Variants in SPAG16 observed in about 807,000 individuals in gnomAD.
The protein encoded by SPAG16 is sperm associated antigen 16.
SPAG16 carries 86 observed loss-of-function variants against 80.4 expected under a neutral mutation model. The ratio of observed to expected loss-of-function variants is 1.07; its 90% confidence interval spans 0.90 to 1.28. The LOEUF is 1.28. SPAG16 is among the 50% of genes most tolerant of loss of function. SPAG16 has a pLI of 0.00. For missense variants in SPAG16, 870 were observed against 765.3 expected (o/e 1.14, Z -1.61); for synonymous variants, 294 against 265.9 (o/e 1.11, Z -1.03).
At chr2:213,309,473 C>G (rs2063090665) in intron 3 of SPAG16, among the ~76,000 whole-genome samples, 3 of 151,970 alleles carry the variant, frequency 2.0e-5, no homozygotes, top group African/African-American at 7.2e-5. Context: ...TAATTAAAAG[C>G]ATTAAAAGGT....
intron 10 of SPAG16, among the ~76,000 whole-genome samples, chr2:213,619,601 C>T (rs1020102249): frequency 1.3e-5 from 2 of 151,978 alleles, no homozygotes; most frequent in African/African-American, 2.4e-5. Flanking sequence ...AAATCAAAAC[C>T]ACAGTGAGAT....
chr2:213,895,805 G>C (rs1460270916), intron 11 of SPAG16, among the ~76,000 whole-genome samples: 1 of 152,048 alleles, frequency 6.6e-6, no homozygotes, highest in African/African-American at 2.4e-5. Context: ...TTAAATCTCA[G>C]ACCTGAAACT....
chr2:213,786,058 A>G (rs2070324701), intron 10 of SPAG16, among the ~76,000 whole-genome samples: 1 of 151,970 alleles, frequency 6.6e-6, no homozygotes, highest in African/African-American at 2.4e-5. Flanking sequence ...TGTATTTTTT[A>G]GTTTTCTTTA....
At chr2:213,904,600 C>CA (rs34952255) in intron 11 of SPAG16, among the ~76,000 whole-genome samples, 5,617 of 89,468 alleles carry the variant, frequency 0.063, 687 homozygotes, top group African/African-American at 0.22. Context: ...ATAAATTTTG[C>CA]AAAAAAAAAA....
chr2:214,005,593 G>A (rs2046993057), intron 12 of SPAG16, among the ~76,000 whole-genome samples: 1 of 152,138 alleles, frequency 6.6e-6, no homozygotes, highest in South Asian at 2.1e-4. Flanking sequence ...AGAGCTTGCG[G>A]CAGACTCCAT....
intron 15 of SPAG16, among the ~76,000 whole-genome samples, chr2:214,369,830 A>G (rs1227795933): frequency 1.3e-5 from 2 of 152,126 alleles, no homozygotes; most frequent in Non-Finnish European, 2.9e-5. Flanking sequence ...TGCCTCTGCT[A>G]AGATGATATT....
At chr2:213,781,567 A>T (rs2069974028) in intron 10 of SPAG16, among the ~76,000 whole-genome samples, 1 of 152,156 alleles carries the variant, frequency 6.6e-6, no homozygotes, top group Non-Finnish European at 1.5e-5. Flanking sequence ...ATGACTAAAA[A>T]GTCTTTAGTC....
chr2:213,355,456 G>T (rs779784430), intron 7 of SPAG16, among the ~76,000 whole-genome samples: 1 of 152,178 alleles, frequency 6.6e-6, no homozygotes, highest in Non-Finnish European at 1.5e-5. Context: ...ACCTTGGGCA[G>T]TATGGCCATT....
At chr2:214,377,036 T>C (rs1700172523) in intron 15 of SPAG16, among the ~76,000 whole-genome samples, 2 of 152,208 alleles carry the variant, frequency 1.3e-5, no homozygotes, top group Non-Finnish European at 2.9e-5. Context: ...AAATAATAAC[T>C]ACCTAAAGTT....
intron 12 of SPAG16, among the ~76,000 whole-genome samples, chr2:213,944,311 T>C (rs1283922332): frequency 4.6e-5 from 7 of 152,234 alleles, no homozygotes; most frequent in Admixed American, 3.3e-4. Context: ...CAGAGCATCA[T>C]CAAGTCAAGA....
intron 7 of SPAG16, among the ~76,000 whole-genome samples, chr2:213,359,825 G>T (rs1223908247): frequency 2.6e-5 from 4 of 152,120 alleles, no homozygotes; most frequent in African/African-American, 9.7e-5. Flanking sequence ...CACCTCAGTT[G>T]GAAATGCAGA....
At chr2:214,363,697 T>A (rs188806845) in intron 15 of SPAG16, among the ~76,000 whole-genome samples, 1 of 152,116 alleles carries the variant, frequency 6.6e-6, no homozygotes, top group Admixed American at 6.6e-5. Context: ...AAAGAGGGCA[T>A]CTTTTAAAGA....
intron 15 of SPAG16, among the ~76,000 whole-genome samples, chr2:214,256,641 C>T (rs1690704477): frequency 6.6e-6 from 1 of 151,832 alleles, no homozygotes; most frequent in Admixed American, 6.6e-5. Context: ...AACAAACAAA[C>T]AAACAACAAC....
chr2:213,672,153 T>G (rs140346416), intron 10 of SPAG16, among the ~76,000 whole-genome samples: 14 of 152,058 alleles, frequency 9.2e-5, no homozygotes, highest in African/African-American at 1.9e-4. Context: ...GTTCATTTCC[T>G]GAATCTACTG....
chr2:214,230,920 T>G (rs1688650875), intron 15 of SPAG16, among the ~76,000 whole-genome samples: 1 of 151,992 alleles, frequency 6.6e-6, no homozygotes, highest in Admixed American at 6.6e-5. Flanking sequence ...CTGTCTATCT[T>G]GGGTCTCAAA....
intron 10 of SPAG16, among the ~76,000 whole-genome samples, chr2:213,832,855 C>T (rs2073753538): frequency 6.6e-6 from 1 of 152,142 alleles, no homozygotes; most frequent in Admixed American, 6.5e-5. Context: ...ATGCTTTTCT[C>T]TTGGTCACCT....
chr2:213,528,601 A>C (rs76211124), intron 10 of SPAG16, among the ~76,000 whole-genome samples: 3,151 of 152,224 alleles, frequency 0.021, 50 homozygotes, highest in Middle Eastern at 0.051. Flanking sequence ...CCTACTGAAG[A>C]TATTTTAAGT....
At chr2:213,753,379 A>G (rs1174194893) in intron 10 of SPAG16, among the ~76,000 whole-genome samples, 1 of 152,210 alleles carries the variant, frequency 6.6e-6, no homozygotes, top group Non-Finnish European at 1.5e-5. Flanking sequence ...AAAATTTGAC[A>G]CTGCTGAGAA....
At chr2:213,957,569 G>A (rs1220453680) in intron 12 of SPAG16, among the ~76,000 whole-genome samples, 2 of 151,636 alleles carry the variant, frequency 1.3e-5, no homozygotes, top group African/African-American at 4.8e-5. Context: ...TCTTTTCATT[G>A]GAGAGTTTAA....
Sources: gnomAD v4.1 joint callset for allele counts (sites outside exome capture counted in the v4.1 genomes callset) on GRCh38, gnomAD v4.1.1 for gene constraint, MANE v1.5 for transcripts, NCBI Gene and HGNC (gene_info 2026-07-23, HGNC 2026-07-21) for gene names.